ADK: variants seen among roughly 807,000 people sequenced by gnomAD.
ADK encodes adenosine kinase.
In ADK, 24 loss-of-function variants were observed where a neutral mutation model predicts 44.7. The ratio of observed to expected loss-of-function variants is 0.54; its 90% CI spans 0.39 to 0.76. The LOEUF (loss-of-function observed/expected upper bound fraction) is 0.76, where lower values mean the gene tolerates loss of function less well. Among genes scored for constraint, ADK ranks in the 30% least tolerant of loss-of-function variants. The probability of loss-of-function intolerance (pLI) is 0.00; values close to 1 mark genes in which losing one functional copy is unlikely to be tolerated. For synonymous variants in ADK, 128 were observed against 142.6 expected, an observed-to-expected ratio of 0.90 and a Z score of 0.73; for missense variants, 321 against 425.1, an observed-to-expected ratio of 0.76 and a Z score of 2.15.
chr10:74,375,132 A>G (rs968095186), intron 4 of ADK, among the ~76,000 whole-genome samples: 5 of 151,970 alleles, frequency 3.3e-5, no homozygotes, highest in Admixed American at 2.6e-4. Context: ...CTCCCCTTAC[A>G]CTTTCTGCAT....
At chr10:74,680,188 GC>G (rs1026165128) in intron 10 of ADK, among the ~76,000 whole-genome samples, 3 of 151,770 alleles carry the variant, frequency 2.0e-5, no homozygotes, top group African/African-American at 7.3e-5. Context: ...GGTGGCAGAC[GC>G]CTGTAGTCCC....
intron 1 of ADK, among the ~76,000 whole-genome samples, chr10:74,154,735 G>C (rs1841703061): frequency 6.6e-6 from 1 of 152,176 alleles, no homozygotes; most frequent in Non-Finnish European, 1.5e-5. Context: ...TTACTCCAAA[G>C]TTTGAGACCT....
chr10:74,676,947 CTA>C (rs1371396699), intron 10 of ADK, among the ~76,000 whole-genome samples: 2 of 152,174 alleles, frequency 1.3e-5, no homozygotes, highest in African/African-American at 4.8e-5. Flanking sequence ...AAAAGGAACA[CTA>C]ATTACATTCT....
chr10:74,418,664 A>G (rs1844454808), intron 6 of ADK, among the ~76,000 whole-genome samples: 1 of 152,230 alleles, frequency 6.6e-6, no homozygotes, highest in Non-Finnish European at 1.5e-5. Flanking sequence ...AGGTTAGCTC[A>G]GATATTTAGC....
At chr10:74,412,329 C>T (rs1844211688) in intron 6 of ADK, among the ~76,000 whole-genome samples, 1 of 151,986 alleles carries the variant, frequency 6.6e-6, no homozygotes, top group African/African-American at 2.4e-5. Context: ...TTTGTAGAGA[C>T]GAGGTCTCAC....
At chr10:74,209,345 C>T (rs1274315187) in intron 2 of ADK, among the ~76,000 whole-genome samples, 1 of 152,130 alleles carries the variant, frequency 6.6e-6, no homozygotes, top group Non-Finnish European at 1.5e-5. Context: ...CTTGCTGGTG[C>T]CTTAACCGTG....
intron 6 of ADK, among the ~76,000 whole-genome samples, chr10:74,406,523 T>TAAGAAGAAG (rs1378751334): frequency 3.6e-5 from 2 of 56,056 alleles, no homozygotes; most frequent in Admixed American, 1.7e-4. Flanking sequence ...ATAATAATAA[T>TAAGAAGAAG]AATAAGAAGA....
rs182759989 is a variant in ADK, at chr10:74,441,326, A to T, written c.555+42747A>T. On this transcript the variant is annotated intron_variant, in intron 6 of 10. Coordinates refer to ENST00000539909, the MANE Select transcript of ADK (RefSeq NM_006721.4). ...GGAACCCTCATGCACCACTGGTGGA[A>T]ATATTGGCAGTTCCTCAAAAGGCTA... Among the ~76,000 whole-genome samples, 3 of 152,312 alleles carry T rather than the reference A, an allele frequency of 2.0e-5. No homozygotes were observed. The East Asian group carries it at 5.8e-4, about 29-fold the overall frequency.
rs1855622912 is a variant in ADK, at chr10:74,681,936, A to G, written c.964+11667A>G. Among the ~76,000 whole-genome samples the G allele has an allele frequency of 2.6e-5, 4 of 151,986 alleles. No homozygotes were observed. In the South Asian group the frequency reaches 8.3e-4, roughly 32 times the overall value. On this transcript the variant is annotated intron_variant, in intron 10 of 10. Transcript: ENST00000539909. ...ATATAGGTCAAGAGTCAATATCCCA[A>G]ATGCACAGAAGGAGGGGTTTTTTGT...
In ADK at chr10:74,470,312, A is replaced by G. The variant is rs1231640515; in HGVS notation, c.556-54944A>G. Among the ~76,000 whole-genome samples the G allele has an allele frequency of 7.9e-5, 12 of 151,998 alleles. No individual in the cohort carries two copies. The East Asian group carries it at 2.1e-3, about 27-fold the overall frequency. ...AGTTCTAGGATTACAGGTGTGAGCC[A>G]CCGCGCCCAGCCACATTTTCTTTAT... On this transcript the variant is annotated intron_variant, in intron 6 of 10. Transcript: ENST00000539909.
At chr10:74,303,583 A>ATT (rs1840133518) in intron 3 of ADK, among the ~76,000 whole-genome samples, 1 of 26,480 alleles carries the variant, frequency 3.8e-5, no homozygotes, top group Non-Finnish European at 9.3e-5. Context: ...ATTGGTTTTA[A>ATT]TGTTGTTTTT....
chr10:74,231,182 G>C (rs1426194819), intron 3 of ADK, among the ~76,000 whole-genome samples: 2 of 152,170 alleles, frequency 1.3e-5, no homozygotes, highest in East Asian at 3.9e-4. Flanking sequence ...TTCTTCTAAG[G>C]AGAGGATGCA....
At chr10:74,320,083 G>C (rs1840758733) in intron 4 of ADK, among the ~76,000 whole-genome samples, 1 of 152,042 alleles carries the variant, frequency 6.6e-6, no homozygotes, top group South Asian at 2.1e-4. Flanking sequence ...TATGGCTTCT[G>C]GTTACTATCA....
intron 9 of ADK, among the ~76,000 whole-genome samples, chr10:74,643,075 C>T (rs1256957678): frequency 1.3e-5 from 2 of 151,982 alleles, no homozygotes; most frequent in East Asian, 3.9e-4. Context: ...TTCCTGGCCT[C>T]AAGCAATCCA....
chr10:74,692,261 T>G (rs1856016204), intron 10 of ADK, among the ~76,000 whole-genome samples: 1 of 152,142 alleles, frequency 6.6e-6, no homozygotes, highest in Admixed American at 6.6e-5. Flanking sequence ...GGCAGATCAC[T>G]TGAGGCCAGG....
chr10:74,198,358 A>T (rs1309834478), intron 1 of ADK, among the ~76,000 whole-genome samples: 1 of 152,250 alleles, frequency 6.6e-6, no homozygotes, highest in East Asian at 1.9e-4. Flanking sequence ...CTTTAAATAG[A>T]AAAGGGACAA....
At chr10:74,411,060 A>G (rs1844158676) in intron 6 of ADK, among the ~76,000 whole-genome samples, 1 of 152,214 alleles carries the variant, frequency 6.6e-6, no homozygotes, top group Non-Finnish European at 1.5e-5. Context: ...GATGATCACC[A>G]TATGACTTTA....
intron 9 of ADK, among the ~76,000 whole-genome samples, chr10:74,609,193 C>G (rs1476666490): frequency 6.6e-6 from 1 of 152,170 alleles, no homozygotes; most frequent in Non-Finnish European, 1.5e-5. Flanking sequence ...GCAGGATCCG[C>G]TGAGCTAGAC....
At chr10:74,408,923 G>C (rs1844064180) in intron 6 of ADK, among the ~76,000 whole-genome samples, 1 of 152,062 alleles carries the variant, frequency 6.6e-6, no homozygotes, top group South Asian at 2.1e-4. Context: ...AGGTTGACCT[G>C]CACAGTTCAA....
Sources: allele counts gnomAD v4.1 joint callset (sites outside exome capture counted in the v4.1 genomes callset), GRCh38; gene constraint gnomAD v4.1.1; transcripts MANE v1.5; gene names NCBI Gene and HGNC (gene_info 2026-07-23, HGNC 2026-07-21).